Variants in NCOR2 observed in about 807,000 individuals in gnomAD.
NCOR2 encodes the protein nuclear receptor corepressor 2.
In NCOR2, 81 loss-of-function variants were observed where a neutral mutation model predicts 262.9. The ratio of observed to expected loss-of-function variants is 0.31; its 90% CI spans 0.26 to 0.37. The LOEUF (loss-of-function observed/expected upper bound fraction) is 0.37. Ranked by LOEUF, NCOR2 falls within the 10% of genes least tolerant of loss-of-function variation. The probability of loss-of-function intolerance (pLI) is 1.00; values close to 1 mark genes in which losing one functional copy is unlikely to be tolerated. For missense variants in NCOR2, 3,385 were observed against 3,621.4 expected (o/e 0.93, Z 1.68); for synonymous variants, 1,659 against 1,559.3 (o/e 1.06, Z -1.51).
chr12:124,532,803 A>G (rs1288288818), intron 1 of NCOR2, among the ~76,000 whole-genome samples: 4 of 151,936 alleles, frequency 2.6e-5, no homozygotes, highest in African/African-American at 4.8e-5. Context: ...TCAAAGCCCC[A>G]TGAGCCTAGG....
chr12:124,385,173 G>A (rs920285664), intron 17 of NCOR2, among the ~76,000 whole-genome samples: 3 of 152,156 alleles, frequency 2.0e-5, no homozygotes, highest in East Asian at 1.9e-4. Context: ...CTGGCGAGGC[G>A]AGCCTGCACC....
chr12:124,413,019 A>G (rs113430385), intron 13 of NCOR2, among the ~76,000 whole-genome samples: 8,554 of 152,268 alleles, frequency 0.056, 299 homozygotes, highest in African/African-American at 0.096. Flanking sequence ...GCTGCCGGGG[A>G]AAGTGCACGG....
exon 20 of NCOR2, chr12:124,372,297 C>T: frequency 3.3e-6 from 5 of 1,537,428 alleles, no homozygotes; most frequent in Non-Finnish European, 4.4e-6. Context: ...CCGCGGGGGG[C>T]TTCTGCTCCT....
intron 1 of NCOR2, among the ~76,000 whole-genome samples, chr12:124,519,030 G>A (rs2050011174): frequency 6.7e-6 from 1 of 150,278 alleles, no homozygotes; most frequent in Non-Finnish European, 1.5e-5. Context: ...CCTCACACTG[G>A]CATTCTGATC....
At chr12:124,511,878 A>G (rs2137025352) in intron 1 of NCOR2, among the ~76,000 whole-genome samples, 1 of 152,312 alleles carries the variant, frequency 6.6e-6, no homozygotes, top group South Asian at 2.1e-4. Context: ...GCTGCCATAA[A>G]AATGACCACA....
chr12:124,348,017 G>A lies in NCOR2; in HGVS notation c.3986-106C>T. On this transcript the variant is annotated intron_variant, in intron 29 of 46. Coordinates refer to ENST00000405201, the Ensembl canonical transcript of NCOR2. ...CGCCAGTGGTCATCCCCACGATGATGGTGGAGTAGGACCCAGCACGGGAAG... is the reference window on the plus strand; with the variant it reads ...CGCCAGTGGTCATCCCCACGATGATAGTGGAGTAGGACCCAGCACGGGAAG... The A allele has an allele frequency of 2.8e-6, 4 of 1,447,236 alleles. No homozygotes were observed. In the South Asian group the frequency reaches 3.8e-5, roughly 14 times the overall value. The allele number at this position is 1,447,236 out of a possible 1,614,324, so 89.6% of individuals were successfully genotyped here.
At chr12:124,354,723 C>T (rs1226051742) in intron 25 of NCOR2, 114 bp downstream of exon 27, 22 of 1,300,596 alleles carry the variant, frequency 1.7e-5, no homozygotes, top group East Asian at 2.5e-5. Context: ...GGGGGGACCT[C>T]CCAGCTGCTA....
chr12:124,476,134 A>G lies in NCOR2; in HGVS notation c.412-3003T>C, dbSNP rs374033213. Among the ~76,000 whole-genome samples, 47 of 152,346 alleles carry G rather than the reference A, an allele frequency of 3.1e-4. 1 individual carries two copies. The East Asian group carries it at 7.9e-3, about 26-fold the overall frequency. On this transcript the variant is annotated intron_variant, in intron 3 of 46. Coordinates refer to ENST00000405201, the Ensembl canonical transcript of NCOR2. ...GCCATGGGCATCTGACCCCACCCAC[A>G]GCAAACCATGGACAGCTCATGCGTC... is the stretch of plus-strand genomic sequence containing the variant.
chr12:124,428,203 G>GCGGGATGTCCATAA (rs1247423221), intron 10 of NCOR2, among the ~76,000 whole-genome samples: 1 of 152,146 alleles, frequency 6.6e-6, no homozygotes, highest in Non-Finnish European at 1.5e-5. Flanking sequence ...CAGCCTCTCT[G>GCGGGATGTCCATAA]CGGGATGTCC....
chr12:124,372,730 G>A lies in NCOR2; in HGVS notation c.2219-120C>T, dbSNP rs1285115668. The A allele has an allele frequency of 3.5e-6, 3 of 846,954 alleles. No individual in the cohort carries two copies. The East Asian group carries it at 8.0e-5, about 23-fold the overall frequency. 52.5% of individuals were successfully genotyped at this position (846,954 alleles called of 1,614,324 possible). ...TCGCCTGATGCCAAAACAGCCCCGA[G>A]GCTCCTACACACCTGGGCTGCTGCC... On this transcript the variant is annotated intron_variant, in intron 19 of 46. Transcript: ENST00000405201.
At chr12:124,359,031 T>C (rs1224294593) in intron 22 of NCOR2, among the ~76,000 whole-genome samples, 1 of 152,230 alleles carries the variant, frequency 6.6e-6, no homozygotes, top group Admixed American at 6.5e-5. Context: ...CCACATGGCC[T>C]GCGGCAGAGA....
At chr12:124,336,981 G>A (rs771431225) in exon 38 of NCOR2, 112 of 1,512,372 alleles carry the variant, frequency 7.4e-5, no homozygotes, top group Middle Eastern at 1.9e-4. Flanking sequence ...AGCCCGGAGC[G>A]GGCTGGGGGC....
chr12:124,409,303 C>G (rs998986582), intron 13 of NCOR2, among the ~76,000 whole-genome samples: 1 of 152,228 alleles, frequency 6.6e-6, no homozygotes, highest in Non-Finnish European at 1.5e-5. Context: ...CCATGCCCAC[C>G]ACCTGTCTCC....
intron 16 of NCOR2, 102 bp downstream of exon 18, chr12:124,398,017 C>CCCTG: frequency 7.3e-7 from 1 of 1,378,804 alleles, no homozygotes; most frequent in Non-Finnish European, 1.0e-6. Context: ...TCACCACAGC[C>CCCTG]CCTGGCTCAA....
chr12:124,561,763 C>T (rs779491507), intron 1 of NCOR2: 1 of 152,420 alleles, frequency 6.6e-6, no homozygotes, highest in Non-Finnish European at 1.5e-5. Flanking sequence ...CGCCTAGAAT[C>T]ACAGTGCTTT....
At chr12:124,544,562 T>C (rs2051482299) in intron 1 of NCOR2, among the ~76,000 whole-genome samples, 1 of 152,174 alleles carries the variant, frequency 6.6e-6, no homozygotes, top group Non-Finnish European at 1.5e-5. Flanking sequence ...CTGATTCAGT[T>C]GCCCCACCTT....
intron 10 of NCOR2, among the ~76,000 whole-genome samples, chr12:124,427,598 C>G (rs1264245671): frequency 6.6e-6 from 1 of 152,224 alleles, no homozygotes; most frequent in Non-Finnish European, 1.5e-5. Context: ...GGACTCCCAG[C>G]CAGGGGTCAG....
At chr12:124,514,071 A>C (rs1258651254) in intron 1 of NCOR2, 1 of 152,238 alleles carries the variant, frequency 6.6e-6, no homozygotes, top group Non-Finnish European at 1.5e-5. Flanking sequence ...TCCTGGATGG[A>C]GGGGTGCTGG....
rs140869684 is a variant in NCOR2 at position 124,392,821 on chromosome 12, A to G, written c.1876+5298T>C. On this transcript the variant is annotated intron_variant, in intron 16 of 46. Transcript: ENST00000405201. ...CGTCAGGCCAGCCCATGTGCACAGC[A>G]ATGGGTGGTTCCTGCCTCGCTCCTG... Among the ~76,000 whole-genome samples the G allele has an allele frequency of 1.5e-3, 232 of 152,322 alleles. 1 individual carries two copies. Among genetic ancestry groups the G allele is most frequent in the African/African-American group, 5.3e-3 (220 of 41,574 alleles).
Sources: allele counts gnomAD v4.1 joint callset (sites outside exome capture counted in the v4.1 genomes callset), GRCh38; gene constraint gnomAD v4.1.1; transcripts MANE v1.5; gene names NCBI Gene and HGNC (gene_info 2026-07-23, HGNC 2026-07-21).